TNR: variants seen among roughly 807,000 people sequenced by gnomAD.
The protein encoded by TNR is tenascin R.
A neutral mutation model predicts 150.4 loss-of-function variants in TNR; 45 were observed. The ratio of observed to expected loss-of-function variants is 0.30; its 90% CI spans 0.24 to 0.38. The LOEUF (loss-of-function observed/expected upper bound fraction) is 0.38. TNR is among the 10% of genes least tolerant of loss of function. The pLI is 1.00. For synonymous variants in TNR, 687 were observed against 678.4 expected (o/e 1.01, Z -0.20); for missense variants, 1,544 against 1,759.1 (o/e 0.88, Z 2.19).
chr1:175,718,868 A>G (rs926254026), intron 1 of TNR, among the ~76,000 whole-genome samples: 1 of 152,192 alleles, frequency 6.6e-6, no homozygotes, highest in Non-Finnish European at 1.5e-5. Context: ...GCATGCAGAC[A>G]TACACTTAGA....
At chr1:175,689,745 G>A (rs945649162) in intron 1 of TNR, among the ~76,000 whole-genome samples, 1 of 152,138 alleles carries the variant, frequency 6.6e-6, no homozygotes, top group African/African-American at 2.4e-5. Flanking sequence ...ATTATAACAG[G>A]GTGGCCAGAC....
chr1:175,625,322 T>C (rs1405830017), intron 1 of TNR, among the ~76,000 whole-genome samples: 1 of 152,240 alleles, frequency 6.6e-6, no homozygotes, highest in Non-Finnish European at 1.5e-5. Flanking sequence ...ACGCAAAGAC[T>C]GTAGCAGAAC....
chr1:175,321,219 G>A lies in TNR; in HGVS notation c.*2138C>T, dbSNP rs1168296681. ...GCCCATGGTTAACTGAGAAATGCAA[G>A]TGGTGCCTAGGTTTTTCAGGGTTAT... On this transcript the variant is annotated 3_prime_UTR_variant, in exon 23 of 23. Transcript: ENST00000367674. 6.6e-6 allele frequency: 1 copy of A among 152,200 alleles called. No homozygotes were observed. Among genetic ancestry groups the A allele is most frequent in the African/African-American group, 2.4e-5 (1 of 41,452 alleles). The allele number at this position is 152,200 out of a possible 1,614,324, so 9.4% of individuals were successfully genotyped here.
At chr1:175,377,354 C>G (rs776545835) in intron 9 of TNR, among the ~76,000 whole-genome samples, 1 of 151,962 alleles carries the variant, frequency 6.6e-6, no homozygotes, top group East Asian at 1.9e-4. Context: ...TCCATCTGAA[C>G]AGTTAGCCAT....
At chr1:175,593,031 T>A (rs1034457929) in intron 1 of TNR, among the ~76,000 whole-genome samples, 1 of 152,132 alleles carries the variant, frequency 6.6e-6, no homozygotes, top group Non-Finnish European at 1.5e-5. Context: ...AAGAAAGCAT[T>A]TATCCATTGC....
At chr1:175,439,052 A>T (rs1379781685) in intron 2 of TNR, among the ~76,000 whole-genome samples, 3 of 152,232 alleles carry the variant, frequency 2.0e-5, no homozygotes, top group Non-Finnish European at 4.4e-5. Flanking sequence ...ACAAAAAATG[A>T]GCCCTCATTG....
chr1:175,369,992 A>G (rs1326326211), intron 9 of TNR, among the ~76,000 whole-genome samples: 1 of 152,164 alleles, frequency 6.6e-6, no homozygotes. Flanking sequence ...CATTCGAATC[A>G]GCCCTCTTTT....
chr1:175,403,115 C>T (rs1176781240), intron 4 of TNR, 25 bp downstream of exon 4: 4 of 1,580,852 alleles, frequency 2.5e-6, no homozygotes, highest in Non-Finnish European at 3.5e-6. Flanking sequence ...CCTTGCCAAA[C>T]ACCCCAGAGA....
chr1:175,687,386 G>A (rs1253141238), intron 1 of TNR, among the ~76,000 whole-genome samples: 3 of 151,914 alleles, frequency 2.0e-5, no homozygotes, highest in South Asian at 2.1e-4. Flanking sequence ...CCTGCATTAC[G>A]GTCTTCTTAC....
chr1:175,572,419 T>G (rs1477330592), intron 1 of TNR, among the ~76,000 whole-genome samples: 2 of 152,202 alleles, frequency 1.3e-5, no homozygotes, highest in African/African-American at 4.8e-5. Context: ...CTGAGGTATT[T>G]TAGTAGAGAA....
chr1:175,704,533 G>C (rs1666793895), intron 1 of TNR, among the ~76,000 whole-genome samples: 1 of 152,190 alleles, frequency 6.6e-6, no homozygotes, highest in Non-Finnish European at 1.5e-5. Flanking sequence ...AGTCGGCCCT[G>C]ATCTGCCAGG....
At chr1:175,439,276 AG>A (rs1655669601) in intron 2 of TNR, among the ~76,000 whole-genome samples, 1 of 152,200 alleles carries the variant, frequency 6.6e-6, no homozygotes, top group Non-Finnish European at 1.5e-5. Flanking sequence ...CAATGGGGAA[AG>A]GATTCCCTAT....
At chr1:175,635,486 AAC>A in intron 1 of TNR, among the ~76,000 whole-genome samples, 1 of 152,346 alleles carries the variant, frequency 6.6e-6, no homozygotes, top group South Asian at 2.1e-4. Flanking sequence ...ACATTTGTAG[AAC>A]ACATTTTATC....
intron 1 of TNR, among the ~76,000 whole-genome samples, chr1:175,622,298 G>A (rs536396291): frequency 7.9e-5 from 12 of 152,324 alleles, no homozygotes; most frequent in African/African-American, 2.6e-4. Flanking sequence ...GGAATCAGGT[G>A]TTTGCAGGTA....
In TNR at chr1:175,396,793, C is replaced by G. The variant is rs1160806456; in HGVS notation, c.991G>C (p.Asp331His). The change falls in exon 5 of 23, where the codon GAC becomes CAC. Residue 331 changes from aspartate (D) to histidine (H), a missense_variant. Physicochemically the swap from Asp to His is moderately conservative, Grantham distance 81 (BLOSUM62 -1). Around this residue, in one of 2 missense-constraint regions of TNR, gnomAD observed 1,254 missense variants for 1,329.4 expected, o/e 0.94. Transcript: ENST00000367674. The stretch of plus-strand genomic sequence containing the variant: ...TCGCTGATACCAGCCACTCGCAAGT[C>G]CTCTGGAGGGGCAACTACCGGGAGG... ...PDCSAVAPPE[D>H]LRVAGISDRS... 1.2e-6 allele frequency: 2 copies of G among 1,613,196 alleles called. No homozygotes were observed. The highest frequency in any genetic ancestry group is 1.7e-6 in the Non-Finnish European group (2 of 1,179,344).
At chr1:175,386,415 T>C in intron 7 of TNR, 114 bp from the exon 8 acceptor site, 2 of 1,139,760 alleles carry the variant, frequency 1.8e-6, no homozygotes, top group South Asian at 3.6e-5. Flanking sequence ...AGGATGGGTA[T>C]TGTTACTGCA....
chr1:175,446,190 A>G (rs1233821872), intron 2 of TNR, among the ~76,000 whole-genome samples: 1 of 152,176 alleles, frequency 6.6e-6, no homozygotes, highest in Non-Finnish European at 1.5e-5. Flanking sequence ...ACACAAACGA[A>G]GTTCTTGGTT....
chr1:175,355,089 C>T (rs1206664380), intron 17 of TNR, among the ~76,000 whole-genome samples: 1 of 152,170 alleles, frequency 6.6e-6, no homozygotes, highest in East Asian at 1.9e-4. Flanking sequence ...TGGTATCCAG[C>T]TCATGTTTGC....
intron 1 of TNR, among the ~76,000 whole-genome samples, chr1:175,589,495 C>T (rs753776663): frequency 6.6e-6 from 1 of 152,234 alleles, no homozygotes; most frequent in East Asian, 1.9e-4. Context: ...CATAGAGCAC[C>T]TATCACAGTC....
Sources: allele counts gnomAD v4.1 joint callset (sites outside exome capture counted in the v4.1 genomes callset), GRCh38; gene constraint gnomAD v4.1.1; regional missense constraint gnomAD v4.1.1; transcripts MANE v1.5; gene names NCBI Gene and HGNC (gene_info 2026-07-23, HGNC 2026-07-21).